Variants in EDA observed in about 807,000 individuals in gnomAD.
The protein encoded by EDA is ectodysplasin-A.
In EDA, 2 loss-of-function variants were observed where a neutral mutation model predicts 23.6. The ratio of observed to expected loss-of-function variants is 0.08; its 90% confidence interval spans 0.03 to 0.27. EDA has a LOEUF of 0.27. EDA is among the 10% of genes least tolerant of loss of function. The pLI is 1.00. For synonymous variants in EDA, 131 were observed against 132.0 expected, an observed-to-expected ratio of 0.99 and a Z score of 0.05; for missense variants, 229 against 324.2, an observed-to-expected ratio of 0.71 and a Z score of 2.26.
chrX:69,966,040 G>A (rs1006441065), intron 2 of EDA, among the ~76,000 whole-genome samples: 20 of 111,106 alleles, frequency 1.8e-4, no homozygotes, highest in Non-Finnish European at 3.0e-4. Flanking sequence ...GTACAAGACC[G>A]TTTCTCAAAA....
At chrX:69,832,794 G>T (rs1357409856) in intron 1 of EDA, among the ~76,000 whole-genome samples, 2 of 110,996 alleles carry the variant, frequency 1.8e-5, no homozygotes, top group Non-Finnish European at 3.8e-5. Flanking sequence ...TTATTCTCTT[G>T]GAAGCAATTG....
intron 1 of EDA, among the ~76,000 whole-genome samples, chrX:69,828,839 G>T (rs2016534455): frequency 8.9e-6 from 1 of 112,274 alleles, no homozygotes; most frequent in African/African-American, 3.2e-5. Context: ...TTTCTAGATT[G>T]TTACACCATT....
At chrX:69,862,925 A>G (rs1221067132) in intron 1 of EDA, among the ~76,000 whole-genome samples, 1 of 110,851 alleles carries the variant, frequency 9.0e-6, no homozygotes, top group Non-Finnish European at 1.9e-5. Flanking sequence ...GCAGGGCTGA[A>G]AACAATAGCC....
At chrX:69,828,381 G>T (rs1209102037) in intron 1 of EDA, among the ~76,000 whole-genome samples, 1 of 112,538 alleles carries the variant, frequency 8.9e-6, no homozygotes, top group African/African-American at 3.2e-5. Flanking sequence ...CTCCGAGTCA[G>T]GTGTGGGATA....
At chrX:69,788,387 G>A (rs2015273363) in intron 1 of EDA, among the ~76,000 whole-genome samples, 1 of 112,097 alleles carries the variant, frequency 8.9e-6, no homozygotes, top group Admixed American at 9.4e-5. Context: ...AGAGTTTCCA[G>A]TTTTTCTGCT....
intron 1 of EDA, among the ~76,000 whole-genome samples, chrX:69,813,962 C>G (rs2016020076): frequency 8.9e-6 from 1 of 112,261 alleles, no homozygotes; most frequent in Non-Finnish European, 1.9e-5. Context: ...TAGTATTCTA[C>G]AAATATGCCT....
intron 2 of EDA, among the ~76,000 whole-genome samples, chrX:69,996,674 A>C (rs2019661179): frequency 8.9e-6 from 1 of 111,903 alleles, no homozygotes; most frequent in Non-Finnish European, 1.9e-5. Context: ...ATAACTCTTT[A>C]AGCTTCATCT....
At chrX:69,704,627 G>A (rs1307486803) in intron 1 of EDA, among the ~76,000 whole-genome samples, 2 of 110,413 alleles carry the variant, frequency 1.8e-5, no homozygotes, top group African/African-American at 6.6e-5. Context: ...ATCCATCAGT[G>A]CATCTACTGG....
intron 1 of EDA, among the ~76,000 whole-genome samples, chrX:69,705,602 TTA>T (rs1418790178): frequency 8.9e-6 from 1 of 112,396 alleles, no homozygotes; most frequent in Non-Finnish European, 1.9e-5. Context: ...AGGCTGCTCA[TTA>T]TATTTGTCTT....
At chrX:69,675,707 G>T (rs1046873609) in intron 1 of EDA, among the ~76,000 whole-genome samples, 9 of 111,171 alleles carry the variant, frequency 8.1e-5, no homozygotes, top group Admixed American at 5.8e-4. Flanking sequence ...AAAAATTCTG[G>T]CCCTCACAGA....
intron 1 of EDA, among the ~76,000 whole-genome samples, chrX:69,826,635 G>A (rs1390667355): frequency 2.8e-5 from 3 of 108,944 alleles, no homozygotes; most frequent in African/African-American, 1.0e-4. Context: ...CACACTGATG[G>A]GTCTTGACTC....
chrX:69,694,920 A>G (rs760672383), intron 1 of EDA, among the ~76,000 whole-genome samples: 119 of 112,545 alleles, frequency 1.1e-3, no homozygotes, highest in African/African-American at 3.8e-3. Context: ...AAAGAGAGGT[A>G]TCCTTTTGAG....
chrX:69,834,463 CTTCT>C (rs748863636), intron 1 of EDA, among the ~76,000 whole-genome samples: 59 of 109,722 alleles, frequency 5.4e-4, no homozygotes, highest in East Asian at 4.6e-3. Flanking sequence ...ATGTAATGGC[CTTCT>C]TTGTCTCTTT....
intron 1 of EDA, among the ~76,000 whole-genome samples, chrX:69,906,901 A>G (rs1294918639): frequency 8.9e-6 from 1 of 112,563 alleles, no homozygotes; most frequent in African/African-American, 3.2e-5. Context: ...AAAGATATTC[A>G]ATAAGTATGT....
intron 1 of EDA, among the ~76,000 whole-genome samples, chrX:69,712,697 C>T (rs2012118281): frequency 9.0e-6 from 1 of 111,258 alleles, no homozygotes; most frequent in East Asian, 2.8e-4. Context: ...TTGACCCAGC[C>T]ATCCCATTAC....
At chrX:69,698,803 G>C (rs1292562736) in intron 1 of EDA, among the ~76,000 whole-genome samples, 2 of 111,042 alleles carry the variant, frequency 1.8e-5, no homozygotes, top group East Asian at 5.7e-4. Context: ...CAAGGATGTA[G>C]AGACGCCTTG....
intron 1 of EDA, among the ~76,000 whole-genome samples, chrX:69,939,670 T>C (rs2018728117): frequency 9.0e-6 from 1 of 111,570 alleles, no homozygotes. Context: ...TTCCAGATCT[T>C]GGAGAAAAGG....
intron 1 of EDA, among the ~76,000 whole-genome samples, chrX:69,791,155 G>A (rs1425928318): frequency 9.0e-6 from 1 of 111,072 alleles, no homozygotes; most frequent in Non-Finnish European, 1.9e-5. Flanking sequence ...ATCAATTCAT[G>A]GTCATTTTTT....
chrX:69,932,032 A>G (rs1426728642), intron 1 of EDA, among the ~76,000 whole-genome samples: 1 of 112,389 alleles, frequency 8.9e-6, no homozygotes. Context: ...ATGAACTGAT[A>G]CATATTATAA....
Sources: gnomAD v4.1 joint callset for allele counts (sites outside exome capture counted in the v4.1 genomes callset) on GRCh38, gnomAD v4.1.1 for gene constraint, MANE v1.5 for transcripts, NCBI Gene and HGNC (gene_info 2026-07-23, HGNC 2026-07-21) for gene names.